Variants in STOML3 observed in about 807,000 individuals in gnomAD.
The protein encoded by STOML3 is stomatin like 3.
Under a neutral mutation model 29.5 loss-of-function variants are expected in STOML3, and 31 were observed. The observed-to-expected ratio is 1.05, with a 90% CI of 0.79 to 1.42. The LOEUF (loss-of-function observed/expected upper bound fraction) is 1.42, where lower values mean the gene tolerates loss of function less well. STOML3 is among the 40% of genes most tolerant of loss of function. The pLI, the probability that STOML3 is intolerant of heterozygous loss-of-function variation, is 0.00. For missense variants in STOML3, 380 were observed against 363.0 expected (o/e 1.05, Z -0.38); for synonymous variants, 122 against 139.8 (o/e 0.87, Z 0.90).
intron 6 of STOML3, 101 bp from the exon 7 acceptor site, chr13:38,967,150 A>T (rs1880687979): frequency 1.0e-6 from 1 of 984,898 alleles, no homozygotes; most frequent in Non-Finnish European, 1.5e-6. Context: ...CCCAGCCCCC[A>T]TGTTGCCACA....
Position 38,980,043 on chromosome 13 carries a change from C to T in STOML3, c.53-3246G>A. On this transcript the variant is annotated intron_variant, in intron 1 of 6. Transcript: ENST00000379631. ...AGCAAGTGTTTGTCACAGAGAAAAT[C>T]GCACTGACCTACAAGCTCGCCTCTG... 8 of 1,551,528 alleles carry T rather than the reference C, an allele frequency of 5.2e-6. No homozygotes were observed. In the South Asian group the frequency reaches 5.9e-5, roughly 12 times the overall value.
chr13:38,985,911 CTTTTTTTTTT>C (rs1170409048), intron 1 of STOML3, among the ~76,000 whole-genome samples: 2 of 85,616 alleles, frequency 2.3e-5, no homozygotes, highest in African/African-American at 4.5e-5. Flanking sequence ...TCTTTTCTTT[CTTTTTTTTTT>C]TTTTTTTTTT....
chr13:38,981,039 GC>G (rs1881252290), intron 1 of STOML3, among the ~76,000 whole-genome samples: 2 of 152,194 alleles, frequency 1.3e-5, no homozygotes, highest in South Asian at 4.1e-4. Context: ...AGAGCCATCA[GC>G]TATGGAAGCT....
At chr13:38,987,234 T>C (rs1332629980) in intron 1 of STOML3, among the ~76,000 whole-genome samples, 2 of 152,072 alleles carry the variant, frequency 1.3e-5, no homozygotes, top group African/African-American at 4.8e-5. Flanking sequence ...TTTCAAAAGC[T>C]GGTCCAGGCC....
intron 1 of STOML3, among the ~76,000 whole-genome samples, chr13:38,978,289 G>A (rs1034526595): frequency 1.3e-5 from 2 of 152,058 alleles, no homozygotes; most frequent in Admixed American, 6.6e-5. Flanking sequence ...GAGTACCTGG[G>A]ATTACAGGCA....
intron 1 of STOML3, among the ~76,000 whole-genome samples, chr13:38,984,683 C>T (rs367936585): frequency 1.8e-4 from 28 of 152,274 alleles, no homozygotes; most frequent in African/African-American, 6.3e-4. Context: ...TGTAGGTACA[C>T]TCTATGATGT....
At chr13:38,970,816 A>C (rs913977380) in intron 4 of STOML3, among the ~76,000 whole-genome samples, 1 of 152,192 alleles carries the variant, frequency 6.6e-6, no homozygotes, top group Non-Finnish European at 1.5e-5. Context: ...CTTAGAAAAC[A>C]TAGATGGCAC....
At chr13:38,983,924 T>A (rs995820054) in intron 1 of STOML3, among the ~76,000 whole-genome samples, 22 of 152,190 alleles carry the variant, frequency 1.4e-4, no homozygotes, top group Non-Finnish European at 2.9e-4. Context: ...AAATAATGCA[T>A]TGAATACCTT....
intron 5 of STOML3, among the ~76,000 whole-genome samples, chr13:38,969,980 T>A (rs907150388): frequency 6.6e-6 from 1 of 152,236 alleles, no homozygotes; most frequent in Non-Finnish European, 1.5e-5. Flanking sequence ...ACTGCTTTCT[T>A]GCACTCAGAT....
At chr13:38,988,935 C>T (rs923916644) in intron 1 of STOML3, among the ~76,000 whole-genome samples, 3 of 141,882 alleles carry the variant, frequency 2.1e-5, no homozygotes, top group Non-Finnish European at 4.5e-5. Flanking sequence ...CTATATTATA[C>T]AATATATTAT....
At chr13:38,972,785 C>T (rs1027981280) in intron 3 of STOML3, among the ~76,000 whole-genome samples, 191 bp from the exon 4 acceptor site, 2 of 152,024 alleles carry the variant, frequency 1.3e-5, no homozygotes, top group Non-Finnish European at 2.9e-5. Context: ...TAATTGCCTG[C>T]GAAGTGAAGT....
intron 1 of STOML3, among the ~76,000 whole-genome samples, chr13:38,987,939 ATATATAATATATTATATTT>A (rs1868682897): frequency 1.3e-5 from 1 of 78,704 alleles, no homozygotes; most frequent in East Asian, 4.1e-4. Context: ...ATATTATGTT[ATATATAATATATTATATTT>A]TATATAATAT....
At chr13:38,979,415 G>A (rs1593504296) in intron 1 of STOML3, among the ~76,000 whole-genome samples, 6 of 151,396 alleles carry the variant, frequency 4.0e-5, no homozygotes, top group Admixed American at 4.0e-4. Context: ...CTTTTATCTA[G>A]AGAAGTTCTG....
chr13:38,974,469 C>A (rs1262456197), intron 3 of STOML3, among the ~76,000 whole-genome samples: 1 of 152,074 alleles, frequency 6.6e-6, no homozygotes. Context: ...ACCTAGTAGC[C>A]TTGTGACCAG....
chr13:38,972,712 A>T (rs1169657972), intron 3 of STOML3, 118 bp from the exon 4 acceptor site: 2 of 804,558 alleles, frequency 2.5e-6, no homozygotes, highest in African/African-American at 3.4e-5. Flanking sequence ...ATGATCCTCA[A>T]TATGCACACA....
At chr13:38,980,015 A>ACAAG in intron 1 of STOML3, 1 of 1,540,972 alleles carries the variant, frequency 6.5e-7, no homozygotes, top group Non-Finnish European at 8.8e-7. Context: ...CACCAGCTGC[A>ACAAG]CAAGCAAGTG....
At position 38,990,829 on chromosome 13, in the gene STOML3, T is replaced by G. The variant is rs959762001; in HGVS notation, c.-108A>C. ...GCTTGGGAGAGGGGAGAGGAGAAAG[T>G]ATGAGAGAGTGAAAGACATTCCTTC... On this transcript the variant is annotated 5_prime_UTR_variant, in exon 1 of 7. Transcript: ENST00000379631. 3 of 940,850 alleles carry G rather than the reference T, an allele frequency of 3.2e-6. No individual in the cohort carries two copies. The highest frequency in any genetic ancestry group is 5.0e-6 in the Non-Finnish European group (3 of 599,744). The allele number at this position is 940,850 out of a possible 1,614,324, so 58.3% of individuals were successfully genotyped here. A position where few individuals can be genotyped will look rare whatever the true frequency, so the allele number is the denominator to read the frequency against.
intron 3 of STOML3, among the ~76,000 whole-genome samples, chr13:38,972,987 G>A (rs1477660654): frequency 1.3e-5 from 2 of 151,420 alleles, no homozygotes; most frequent in Non-Finnish European, 2.9e-5. Context: ...GGCTGGGCGC[G>A]GTGGCTCACG....
rs1344412536 is a variant in STOML3, at chr13:38,966,679, C to G, written c.*146G>C. On this transcript the variant is annotated 3_prime_UTR_variant, in exon 7 of 7. Transcript: ENST00000379631. ...TCTTTTTTTCTTCTCTGTATAGCCT[C>G]TAGAGCTTTTTCCTGCCAATGCTCT... is the stretch of plus-strand genomic sequence containing the variant. The G allele has an allele frequency of 2.9e-6, 2 of 698,676 alleles. No individual in the cohort carries two copies. The highest frequency in any genetic ancestry group is 5.2e-5 in the East Asian group (2 of 38,718). 43.3% of individuals were successfully genotyped at this position (698,676 alleles called of 1,614,324 possible). A position where few individuals can be genotyped will look rare whatever the true frequency, so the allele number is the denominator to read the frequency against.
Sources: gnomAD v4.1 joint callset for allele counts (sites outside exome capture counted in the v4.1 genomes callset) on GRCh38, gnomAD v4.1.1 for gene constraint, MANE v1.5 for transcripts, NCBI Gene and HGNC (gene_info 2026-07-23, HGNC 2026-07-21) for gene names.